Variants in KANSL1 observed in about 807,000 individuals in gnomAD.
KANSL1 encodes KAT8 regulatory NSL complex subunit 1.
Under a neutral mutation model 103.6 loss-of-function variants are expected in KANSL1, and 22 were observed. The ratio of observed to expected loss-of-function variants is 0.21; its 90% CI spans 0.15 to 0.30. The LOEUF (loss-of-function observed/expected upper bound fraction) is 0.30, where lower values mean the gene tolerates loss of function less well. KANSL1 is among the 10% of genes least tolerant of loss of function. KANSL1 has a pLI of 1.00. For synonymous variants in KANSL1, 600 were observed against 527.6 expected (o/e 1.14, Z -1.88); for missense variants, 1,337 against 1,399.8 (o/e 0.96, Z 0.72).
chr17:46,124,925 G>GT (rs2043448046), intron 2 of KANSL1, among the ~76,000 whole-genome samples: 1 of 150,986 alleles, frequency 6.6e-6, no homozygotes, highest in African/African-American at 2.4e-5. Context: ...GGTCGAAAAA[G>GT]TAACTGCAGA....
intron 2 of KANSL1, among the ~76,000 whole-genome samples, chr17:46,114,872 A>C (rs773961648): frequency 1.3e-5 from 2 of 152,230 alleles, no homozygotes; most frequent in Non-Finnish European, 2.9e-5. Flanking sequence ...GTTATGAATT[A>C]TATCACACGG....
chr17:46,052,964 CAAAAAAAAAAAAAAAAA>C (rs34473927), intron 6 of KANSL1, among the ~76,000 whole-genome samples: 3,431 of 32,442 alleles, frequency 0.11, 118 homozygotes, highest in Non-Finnish European at 0.16. Flanking sequence ...ATCCTGTCTC[CAAAAAAAAAAAAAAAAA>C]AAAAAAAAAA....
chr17:46,112,725 T>TTTTTATTTATTTTATTA (rs1241151441), intron 2 of KANSL1, among the ~76,000 whole-genome samples: 107 of 95,812 alleles, frequency 1.1e-3, no homozygotes, highest in African/African-American at 4.3e-3. Flanking sequence ...GGCAGATAAA[T>TTTTTATTTATTTTATTA]TTTTTTTTTT....
intron 2 of KANSL1, among the ~76,000 whole-genome samples, chr17:46,116,085 G>C (rs1201123975): frequency 6.6e-6 from 1 of 152,206 alleles, no homozygotes; most frequent in Non-Finnish European, 1.5e-5. Context: ...TAAGTCAACT[G>C]ACCTGAAAAA....
intron 1 of KANSL1, among the ~76,000 whole-genome samples, chr17:46,177,362 C>G (rs900310650): frequency 6.6e-6 from 1 of 152,200 alleles, no homozygotes; most frequent in Admixed American, 6.5e-5. Flanking sequence ...CCATAAACCA[C>G]CACCTAAGTT....
intron 4 of KANSL1, among the ~76,000 whole-genome samples, chr17:46,075,620 C>T (rs772117517): frequency 1.9e-4 from 29 of 151,962 alleles, no homozygotes; most frequent in Non-Finnish European, 3.1e-4. Flanking sequence ...TTTAGGTCAC[C>T]GTGCCCAGCC....
intron 2 of KANSL1, among the ~76,000 whole-genome samples, chr17:46,143,646 T>C (rs749708293): frequency 3.3e-5 from 5 of 150,128 alleles, no homozygotes; most frequent in Non-Finnish European, 5.9e-5. Flanking sequence ...CTAGTAAAAA[T>C]ACAAAAAATT....
chr17:46,074,211 T>C (rs1391989480), intron 4 of KANSL1, among the ~76,000 whole-genome samples: 1 of 152,104 alleles, frequency 6.6e-6, no homozygotes, highest in Non-Finnish European at 1.5e-5. Flanking sequence ...AAGCGGTACA[T>C]GCTAAAAGGA....
At chr17:46,055,961 C>T (rs551211774) in intron 6 of KANSL1, among the ~76,000 whole-genome samples, 5 of 152,308 alleles carry the variant, frequency 3.3e-5, no homozygotes, top group African/African-American at 1.2e-4. Flanking sequence ...TTCTGCCTCA[C>T]ACCAAAATTA....
chr17:46,104,838 A>G (rs1013261852), intron 2 of KANSL1, among the ~76,000 whole-genome samples: 1 of 152,002 alleles, frequency 6.6e-6, no homozygotes, highest in Non-Finnish European at 1.5e-5. Context: ...TTTTTTAGAC[A>G]AAGTTTTGTT....
Position 46,105,927 on chromosome 17 carries a change from ACACACACACACACACACACACCCCC to A in KANSL1, c.1290-11251_1290-11227del, listed in dbSNP as rs1567680589. On this transcript the variant is annotated intron_variant, in intron 2 of 14. Transcript: ENST00000432791. ...CCTTGACACACACACACACACACAC[ACACACACACACACACACACACCCCC>A]CCAGAAGGGTGAAGGAGCAGAAAAG... Among the ~76,000 whole-genome samples the A allele has an allele frequency of 4.3e-3, 433 of 101,514 alleles. 1 individual carries two copies. Among genetic ancestry groups the A allele is most frequent in the Middle Eastern group, 8.5e-3 (2 of 236 alleles). 66.6% of individuals were successfully genotyped at this position (101,514 alleles called of 152,430 possible).
At chr17:46,064,053 TA>T (rs58111244) in intron 6 of KANSL1, among the ~76,000 whole-genome samples, 9,701 of 105,604 alleles carry the variant, frequency 0.092, 886 homozygotes, top group African/African-American at 0.31. Context: ...CGACTATTAG[TA>T]AAAAAAAAAA....
intron 3 of KANSL1, among the ~76,000 whole-genome samples, chr17:46,088,005 T>A (rs981982259): frequency 2.0e-5 from 3 of 152,236 alleles, no homozygotes; most frequent in African/African-American, 7.2e-5. Flanking sequence ...TGCTGTACTA[T>A]GAAATAGCAA....
chr17:46,048,766 A>T (rs1216248340), intron 7 of KANSL1, among the ~76,000 whole-genome samples: 4 of 152,358 alleles, frequency 2.6e-5, no homozygotes, highest in South Asian at 4.1e-4. Flanking sequence ...TGTGATTTTT[A>T]AAAAATCATA....
At chr17:46,187,030 C>T (rs1426312790) in intron 1 of KANSL1, among the ~76,000 whole-genome samples, 2 of 152,208 alleles carry the variant, frequency 1.3e-5, no homozygotes, top group African/African-American at 2.4e-5. Context: ...CCACACCCAG[C>T]CCAGGCTGGT....
At chr17:46,197,235 G>A (rs2047642109), upstream of KANSL1, among the ~76,000 whole-genome samples, 1 of 152,242 alleles carries the variant, frequency 6.6e-6, no homozygotes, top group Non-Finnish European at 1.5e-5. Context: ...TAGAAAAAGA[G>A]GACCATCCCT....
rs373111087 is a variant in KANSL1 at position 46,054,996 on chromosome 17, G to A, written c.1849-4292C>T. Reference sequence around the variant, plus strand: ...CTCCCGAGTAGCTGGGACTATAGGCGCCCGCCACAACACCTGACTAATGTT... The same window carrying A: ...CTCCCGAGTAGCTGGGACTATAGGCACCCGCCACAACACCTGACTAATGTT... On this transcript the variant is annotated intron_variant, in intron 6 of 14. Transcript: ENST00000432791. Among the ~76,000 whole-genome samples, 61 of 150,696 alleles carry A rather than the reference G, an allele frequency of 4.0e-4. 3 individuals carry two copies. In the East Asian group the frequency reaches 8.5e-3, roughly 21 times the overall value.
At chr17:46,144,688 A>AAC (rs1313150912) in intron 2 of KANSL1, among the ~76,000 whole-genome samples, 8 of 152,034 alleles carry the variant, frequency 5.3e-5, no homozygotes. Flanking sequence ...ATAAAAAAAA[A>AAC]ATCTGAAAAA....
At position 46,171,394 on chromosome 17, in the gene KANSL1, A is replaced by G. The variant is rs1555575566; in HGVS notation, c.750T>C (p.Pro250=). The part of the protein sequence containing the change: ...PALQGSSRLS[P]GTDSSSNLGG... Reference sequence around the variant, plus strand: ...CCAAGTTAGAGCTGGAGTCTGTACCAGGTGATAATCTACTGCTTCCTTGAA... The same window carrying G: ...CCAAGTTAGAGCTGGAGTCTGTACCGGGTGATAATCTACTGCTTCCTTGAA... The change falls in exon 2 of 15, where the codon CCT becomes CCC. Residue 250 remains proline, a synonymous_variant. Coordinates refer to ENST00000432791, the MANE Select transcript of KANSL1 (RefSeq NM_015443.4). The G allele has an allele frequency of 6.2e-7, 1 of 1,614,156 alleles. No individual in the cohort carries two copies. The highest frequency in any genetic ancestry group is 8.5e-7 in the Non-Finnish European group (1 of 1,180,024).
Sources: gnomAD v4.1 joint callset for allele counts (sites outside exome capture counted in the v4.1 genomes callset) on GRCh38, gnomAD v4.1.1 for gene constraint, MANE v1.5 for transcripts, NCBI Gene and HGNC (gene_info 2026-07-23, HGNC 2026-07-21) for gene names.